The following ZRANB1 variants were observed in gnomAD, a reference collection of about 807,000 sequenced individuals.
ZRANB1 encodes zinc finger RANBP2-type containing 1.
Under a neutral mutation model 80.5 loss-of-function variants are expected in ZRANB1, and 16 were observed. The observed-to-expected ratio is 0.20, with a 90% CI of 0.13 to 0.30. ZRANB1 has a LOEUF of 0.30. Ranked by LOEUF, ZRANB1 falls within the 10% of genes least tolerant of loss-of-function variation. The pLI, the probability that ZRANB1 is intolerant of heterozygous loss-of-function variation, is 1.00. For missense variants in ZRANB1, 576 were observed against 862.6 expected (o/e 0.67, Z 4.16); for synonymous variants, 291 against 293.1 (o/e 0.99, Z 0.07).
chr10:124,924,006 C>G, the ZRANB1 span, among the ~76,000 whole-genome samples: 1 of 151,942 alleles, frequency 6.6e-6, no homozygotes, highest in South Asian at 2.1e-4. Context: ...CCTCTCACTC[C>G]TGAACTCACA....
At chr10:124,927,266 A>C in the ZRANB1 span, among the ~76,000 whole-genome samples, 1 of 152,142 alleles carries the variant, frequency 6.6e-6, no homozygotes, top group South Asian at 2.1e-4. Flanking sequence ...TGTAATTCTC[A>C]ACTGTAAGTT....
upstream of ZRANB1, chr10:124,940,484 C>T: frequency 3.1e-6 from 4 of 1,287,534 alleles, no homozygotes; most frequent in African/African-American, 1.5e-5. Context: ...ATCTGATTTG[C>T]AAACCGTACT....
the ZRANB1 span, among the ~76,000 whole-genome samples, chr10:124,930,248 C>T: frequency 6.6e-6 from 1 of 151,974 alleles, no homozygotes; most frequent in African/African-American, 2.4e-5. Flanking sequence ...AAGTGCAGTA[C>T]ATTTCCTTCC....
rs1589857009 is a variant in ZRANB1 at position 124,981,971 on chromosome 10, T to C, written c.1548+142T>C. ...TGGTATCATCAGTCAACTTGGGTTC[T>C]AGTGATGACTGCTGTGTATCAAATA... is the stretch of plus-strand genomic sequence containing the variant. On this transcript the variant is annotated intron_variant, in intron 6 of 8. Coordinates refer to ENST00000359653, the MANE Select transcript of ZRANB1 (RefSeq NM_017580.3). 8.0e-5 allele frequency: 75 copies of C among 941,054 alleles called. No homozygotes were observed. The East Asian group carries it at 2.0e-3, about 25-fold the overall frequency. 58.3% of individuals were successfully genotyped at this position (941,054 alleles called of 1,614,324 possible). A position where few individuals can be genotyped will look rare whatever the true frequency, so the allele number is the denominator to read the frequency against.
chr10:124,944,980 C>T (rs534533790), intron 1 of ZRANB1, among the ~76,000 whole-genome samples: 10 of 152,084 alleles, frequency 6.6e-5, no homozygotes, highest in Admixed American at 2.0e-4. Context: ...TTTTATTCCT[C>T]TGATTTTTCT....
chr10:124,975,684 G>C (rs1589854185), intron 5 of ZRANB1, among the ~76,000 whole-genome samples: 1 of 152,190 alleles, frequency 6.6e-6, no homozygotes, highest in South Asian at 2.1e-4. Context: ...TTACTTTCTT[G>C]AGAGCTAAAT....
the ZRANB1 span, among the ~76,000 whole-genome samples, chr10:124,935,819 C>T: frequency 6.6e-6 from 1 of 152,100 alleles, no homozygotes; most frequent in Non-Finnish European, 1.5e-5. Flanking sequence ...AATCTCTGAA[C>T]AAAGGTTTTT....
At chr10:124,928,275 G>A in the ZRANB1 span, among the ~76,000 whole-genome samples, 3 of 152,186 alleles carry the variant, frequency 2.0e-5, no homozygotes, top group African/African-American at 7.2e-5. Context: ...AGAGGCTACG[G>A]TGTCGCCGAA....
the ZRANB1 span, among the ~76,000 whole-genome samples, chr10:124,931,493 C>A: frequency 6.6e-6 from 1 of 152,138 alleles, no homozygotes; most frequent in African/African-American, 2.4e-5. Context: ...GCCTCAGCCT[C>A]CCCAGTAGCT....
Position 124,974,186 on chromosome 10 carries a change from A to C in ZRANB1, c.1229-14A>C. 1 of 1,613,584 alleles carries C rather than the reference A, an allele frequency of 6.2e-7. No individual in the cohort carries two copies. The highest frequency in any genetic ancestry group is 1.6e-4 in the Middle Eastern group (1 of 6,062). On this transcript the variant is annotated splice_polypyrimidine_tract_variant and intron_variant, in intron 4 of 8. Transcript: ENST00000359653. ...AGGTATGGAAATGAACATGTATTTA[A>C]ATCCATCGTACAGAATTAGAAGAAG...
At chr10:124,917,741 C>T in the ZRANB1 span, among the ~76,000 whole-genome samples, 15 of 152,178 alleles carry the variant, frequency 9.9e-5, no homozygotes, top group African/African-American at 3.4e-4. Context: ...CGGTGGCCTC[C>T]AGTTGCCATT....
chr10:124,979,141 T>G (rs1212466424), intron 5 of ZRANB1, among the ~76,000 whole-genome samples: 2 of 152,186 alleles, frequency 1.3e-5, no homozygotes, highest in Non-Finnish European at 2.9e-5. Flanking sequence ...ATTGGAATCT[T>G]CATACATTGC....
chr10:124,985,148 G>C lies in ZRANB1; in HGVS notation c.*156G>C. On this transcript the variant is annotated 3_prime_UTR_variant, in exon 9 of 9. Coordinates refer to ENST00000359653, the MANE Select transcript of ZRANB1 (RefSeq NM_017580.3). ...TCCTGGACCACACACACCTTATGGA[G>C]ATAATGCCTCTGCTGCGTGAGGAGA... 1 of 587,002 alleles carries C rather than the reference G, an allele frequency of 1.7e-6. No individual in the cohort carries two copies. The highest frequency in any genetic ancestry group is 2.4e-5 in the South Asian group (1 of 41,710). The allele number at this position is 587,002 out of a possible 1,614,324, so 36.4% of individuals were successfully genotyped here.
chr10:124,976,288 G>A (rs1306896131), intron 5 of ZRANB1, among the ~76,000 whole-genome samples: 1 of 152,112 alleles, frequency 6.6e-6, no homozygotes, highest in African/African-American at 2.4e-5. Flanking sequence ...AGATCCTGTG[G>A]TCACCAAGCA....
chr10:124,981,242 T>C (rs939711448), intron 5 of ZRANB1, among the ~76,000 whole-genome samples: 5 of 152,204 alleles, frequency 3.3e-5, no homozygotes. Flanking sequence ...TCAGAGAAAT[T>C]ATTTATGGAA....
intron 5 of ZRANB1, among the ~76,000 whole-genome samples, chr10:124,975,428 C>T (rs1438136988): frequency 1.3e-5 from 2 of 152,176 alleles, no homozygotes; most frequent in African/African-American, 4.8e-5. Context: ...ATCCCCATTC[C>T]TACATCTAAG....
At chr10:124,946,134 A>G (rs997845594) in intron 1 of ZRANB1, among the ~76,000 whole-genome samples, 2 of 152,172 alleles carry the variant, frequency 1.3e-5, no homozygotes, top group Non-Finnish European at 2.9e-5. Flanking sequence ...AAAGTGGAAC[A>G]AGGCCAGGCA....
chr10:124,930,035 G>A, the ZRANB1 span, among the ~76,000 whole-genome samples: 1 of 151,650 alleles, frequency 6.6e-6, no homozygotes, highest in Admixed American at 6.6e-5. Context: ...CTAAAGCTCC[G>A]TACAAAACTT....
intron 6 of ZRANB1, among the ~76,000 whole-genome samples, chr10:124,982,304 A>G (rs943734562): frequency 3.3e-5 from 5 of 152,150 alleles, no homozygotes; most frequent in African/African-American, 7.2e-5. Context: ...CCAGTTGTCA[A>G]TCTTCATAAT....
Sources: allele counts gnomAD v4.1 joint callset (sites outside exome capture counted in the v4.1 genomes callset), GRCh38; gene constraint gnomAD v4.1.1; transcripts MANE v1.5; gene names NCBI Gene and HGNC (gene_info 2026-07-23, HGNC 2026-07-21).